The following FASTKD2 variants were observed in gnomAD, a reference collection of about 807,000 sequenced individuals.
FASTKD2 encodes FAST kinase domains 2.
In FASTKD2, 51 loss-of-function variants were observed where a neutral mutation model predicts 63.6. The observed-to-expected ratio is 0.80, with a 90% confidence interval of 0.64 to 1.01. The LOEUF (loss-of-function observed/expected upper bound fraction) is 1.01, where lower values mean the gene tolerates loss of function less well. FASTKD2 is among the 50% of genes least tolerant of loss of function. FASTKD2 has a pLI of 0.00. For missense variants in FASTKD2, 786 were observed against 831.1 expected, an observed-to-expected ratio of 0.95 and a Z score of 0.67; for synonymous variants, 284 against 293.4, an observed-to-expected ratio of 0.97 and a Z score of 0.33.
chr2:206,773,886 C>A (rs993095582), intron 6 of FASTKD2, among the ~76,000 whole-genome samples: 1 of 152,068 alleles, frequency 6.6e-6, no homozygotes, highest in Non-Finnish European at 1.5e-5. Flanking sequence ...TGAAAACCTT[C>A]AGAAAAGGCA....
intron 7 of FASTKD2, among the ~76,000 whole-genome samples, chr2:206,781,325 T>C (rs1298336402): frequency 7.6e-6 from 1 of 131,166 alleles, no homozygotes; most frequent in Non-Finnish European, 1.6e-5. Context: ...TTTTTTTTTT[T>C]TTTTTTGAGA....
chr2:206,791,649 C>T (rs1056924657), intron 11 of FASTKD2, 34 bp from the exon 12 acceptor site: 2 of 1,603,868 alleles, frequency 1.2e-6, no homozygotes, highest in African/African-American at 2.7e-5. Flanking sequence ...AGTATCGTCT[C>T]ACAAACTGAT....
chr2:206,777,086 T>C (rs1421450952), intron 7 of FASTKD2, among the ~76,000 whole-genome samples: 1 of 152,140 alleles, frequency 6.6e-6, no homozygotes, highest in Non-Finnish European at 1.5e-5. Flanking sequence ...ATTTCCTTTT[T>C]GGATAGTTTG....
Position 206,781,100 on chromosome 2 carries a change from T to C in FASTKD2, c.1428-5633T>C, listed in dbSNP as rs1224421407. ...AGTTCATAGATCTTCATCTCTTTAA[T>C]GTTGATTACTGGACATTTATTTTGG... On this transcript the variant is annotated intron_variant, in intron 7 of 11. Transcript: ENST00000402774. 4.6e-5 allele frequency among the ~76,000 whole-genome samples: 7 copies of C among 152,170 alleles called. No homozygotes were observed. The South Asian group carries it at 6.2e-4, about 13-fold the overall frequency.
At chr2:206,786,165 G>A (rs768915798) in intron 7 of FASTKD2, among the ~76,000 whole-genome samples, 10 of 152,260 alleles carry the variant, frequency 6.6e-5, no homozygotes, top group Non-Finnish European at 1.0e-4. Flanking sequence ...CTGGGCAAGC[G>A]ACTGCCCCTG....
At chr2:206,791,356 A>C in intron 11 of FASTKD2, 1 of 301,134 alleles carries the variant, frequency 3.3e-6, no homozygotes, top group East Asian at 8.6e-5. Context: ...ATTGAGATTA[A>C]GATGACTCCT....
intron 7 of FASTKD2, among the ~76,000 whole-genome samples, chr2:206,776,280 C>T (rs1689822964): frequency 6.6e-6 from 1 of 151,792 alleles, no homozygotes; most frequent in Non-Finnish European, 1.5e-5. Context: ...AACTGCTTAT[C>T]ATATGTATGG....
chr2:206,767,048 T>C lies in FASTKD2; in HGVS notation c.355T>C (p.Ser119Pro). 6.2e-7 allele frequency: 1 copy of C among 1,614,074 alleles called. No individual in the cohort carries two copies. Among genetic ancestry groups the C allele is most frequent in the South Asian group, 1.1e-5 (1 of 91,072 alleles). The change falls in exon 2 of 12, where the codon TCT becomes CCT. Residue 119 changes from serine to proline, a missense_variant. Physicochemically the swap from Ser to Pro is moderately conservative, Grantham distance 74 (BLOSUM62 -1). Transcript: ENST00000402774. ...AAGACTGTTTTTTGACTCAAAGCAG[T>C]CTCTTGTCCCTGTTGATAAATCTGA... ...AKRLFFDSKQSLVPVDKSDDE... is the reference protein window; with the variant it reads ...AKRLFFDSKQPLVPVDKSDDE...
At chr2:206,786,453 T>TG (rs1290065484) in intron 7 of FASTKD2, among the ~76,000 whole-genome samples, 1 of 152,256 alleles carries the variant, frequency 6.6e-6, no homozygotes, top group East Asian at 1.9e-4. Flanking sequence ...CTAAGCCTGT[T>TG]TACCCATTTT....
rs200425724 is a variant in FASTKD2, at chr2:206,774,359, C to T, written c.1389C>T (p.Tyr463=). The T allele has an allele frequency of 2.7e-4, 440 of 1,604,328 alleles. 5 individuals carry two copies. In the South Asian group the frequency reaches 3.3e-3, roughly 12 times the overall value. Residue 463 remains tyrosine (Y), a synonymous_variant, in exon 7 of 12, where the codon TAC becomes TAT. Coordinates refer to ENST00000402774, the MANE Select transcript of FASTKD2 (RefSeq NM_001136193.2). ...ACATTCTATCTATTCTTCATACTTA[C>T]TCTTCTCTCAATCATGTCTACAAAT... ...MKNILSILHT[Y]SSLNHVYKCQ...
chr2:206,777,910 C>A (rs1689865977), intron 7 of FASTKD2, among the ~76,000 whole-genome samples: 1 of 152,002 alleles, frequency 6.6e-6, no homozygotes, highest in African/African-American at 2.4e-5. Context: ...TTATTCATTT[C>A]TTCTTGATTA....
intron 7 of FASTKD2, among the ~76,000 whole-genome samples, chr2:206,781,909 G>C (rs1040590688): frequency 1.3e-5 from 2 of 152,020 alleles, no homozygotes; most frequent in African/African-American, 4.8e-5. Context: ...ATAGAAACCA[G>C]CTCCTTGGAC....
At chr2:206,770,238 C>T (rs1331161910) in intron 3 of FASTKD2, 44 bp downstream of exon 3, 4 of 1,209,728 alleles carry the variant, frequency 3.3e-6, no homozygotes, top group Non-Finnish European at 4.9e-6. Context: ...TTCTTTGTTC[C>T]TCATATATCT....
chr2:206,774,777 A>T (rs1487814491), intron 7 of FASTKD2, among the ~76,000 whole-genome samples: 1 of 152,126 alleles, frequency 6.6e-6, no homozygotes, highest in Non-Finnish European at 1.5e-5. Context: ...AGTAAATTTT[A>T]AAGTGTGCAG....
At position 206,793,220 on chromosome 2, in the gene FASTKD2, CAAAAAAAAAAAAAAAA is replaced by C. The variant is rs58656956; in HGVS notation, c.*1434_*1449del. ...CTGACCACAGAGCGAGACTCTGTCT[CAAAAAAAAAAAAAAAA>C]AAAAAAAAAAAAAAATACAAAAACT... is the stretch of plus-strand genomic sequence containing the variant. On this transcript the variant is annotated 3_prime_UTR_variant, in exon 12 of 12. Transcript: ENST00000402774. Among the ~76,000 whole-genome samples the C allele has an allele frequency of 1.4e-4, 9 of 65,818 alleles. No homozygotes were observed. Among genetic ancestry groups the C allele is most frequent in the Non-Finnish European group, 2.2e-4 (8 of 36,088 alleles). The allele number at this position is 65,818 out of a possible 152,430, so 43.2% of individuals were successfully genotyped here.
At chr2:206,781,748 G>A (rs1026038678) in intron 7 of FASTKD2, among the ~76,000 whole-genome samples, 2 of 150,648 alleles carry the variant, frequency 1.3e-5, no homozygotes, top group Admixed American at 6.6e-5. Context: ...TACAGTCGGG[G>A]ACATAGATGC....
At chr2:206,777,778 T>C (rs571177992) in intron 7 of FASTKD2, among the ~76,000 whole-genome samples, 89 of 152,360 alleles carry the variant, frequency 5.8e-4, no homozygotes, top group African/African-American at 2.1e-3. Context: ...TATCTAGTCC[T>C]GGCCTTTTTC....
chr2:206,780,172 T>C (rs1689933526), intron 7 of FASTKD2, among the ~76,000 whole-genome samples: 1 of 152,202 alleles, frequency 6.6e-6, no homozygotes. Context: ...TATTACCATA[T>C]CCTATATTTG....
chr2:206,779,264 G>A (rs1221032011), intron 7 of FASTKD2, among the ~76,000 whole-genome samples: 1 of 152,076 alleles, frequency 6.6e-6, no homozygotes, highest in African/African-American at 2.4e-5. Context: ...ATCAAACTAT[G>A]TGTATGTCCT....
Sources: gnomAD v4.1 joint callset for allele counts (sites outside exome capture counted in the v4.1 genomes callset) on GRCh38, gnomAD v4.1.1 for gene constraint, MANE v1.5 for transcripts, NCBI Gene and HGNC (gene_info 2026-07-23, HGNC 2026-07-21) for gene names.